Variants in RSRC1 observed in about 807,000 individuals in gnomAD.
The protein encoded by RSRC1 is serine/Arginine-related protein 53.
Under a neutral mutation model 49.1 loss-of-function variants are expected in RSRC1, and 39 were observed. That is an observed-to-expected ratio of 0.79 (90% CI 0.61 to 1.04). The LOEUF (loss-of-function observed/expected upper bound fraction) is 1.04, where lower values mean the gene tolerates loss of function less well. RSRC1 is among the 50% of genes least tolerant of loss of function. RSRC1 has a pLI of 0.00. For missense variants in RSRC1, 388 were observed against 402.4 expected, an observed-to-expected ratio of 0.96 and a Z score of 0.31; for synonymous variants, 143 against 130.8, an observed-to-expected ratio of 1.09 and a Z score of -0.63.
chr3:158,210,913 G>A (rs571324077), intron 4 of RSRC1, among the ~76,000 whole-genome samples: 1 of 151,988 alleles, frequency 6.6e-6, no homozygotes, highest in African/African-American at 2.4e-5. Flanking sequence ...GCCTGATAAC[G>A]TCTTAAATGG....
At chr3:158,366,792 T>G (rs1731793361) in intron 6 of RSRC1, among the ~76,000 whole-genome samples, 1 of 152,196 alleles carries the variant, frequency 6.6e-6, no homozygotes, top group South Asian at 2.1e-4. Context: ...CATGGAATTT[T>G]TTTCCCATTG....
chr3:158,208,376 T>C (rs1264832568), intron 4 of RSRC1, among the ~76,000 whole-genome samples: 3 of 152,140 alleles, frequency 2.0e-5, no homozygotes, highest in South Asian at 2.1e-4. Context: ...TAATTTGTAA[T>C]TTTTAGAGAC....
chr3:158,132,018 C>G (rs1250944860), intron 3 of RSRC1: 11 of 315,918 alleles, frequency 3.5e-5, no homozygotes, highest in Non-Finnish European at 1.3e-5. Context: ...GAGTGTTGCT[C>G]TGTCACCTGG....
intron 6 of RSRC1, among the ~76,000 whole-genome samples, chr3:158,436,223 A>G (rs527410452): frequency 1.3e-5 from 2 of 152,028 alleles, no homozygotes; most frequent in Non-Finnish European, 2.9e-5. Context: ...ACACTTGTTC[A>G]ATTGGCTATA....
chr3:158,433,712 A>C (rs1388043074), intron 6 of RSRC1, among the ~76,000 whole-genome samples: 1 of 151,990 alleles, frequency 6.6e-6, no homozygotes, highest in East Asian at 1.9e-4. Context: ...ATCTATCTAA[A>C]ATCTGTCCAA....
At chr3:158,418,272 A>G (rs1168548394) in intron 6 of RSRC1, among the ~76,000 whole-genome samples, 1 of 152,020 alleles carries the variant, frequency 6.6e-6, no homozygotes, top group South Asian at 2.1e-4. Context: ...AAAGCAACAT[A>G]GTAAAGTAAA....
At chr3:158,370,014 G>A (rs1337527636) in intron 6 of RSRC1, among the ~76,000 whole-genome samples, 1 of 151,858 alleles carries the variant, frequency 6.6e-6, no homozygotes, top group Non-Finnish European at 1.5e-5. Flanking sequence ...TTGAATGGAA[G>A]TAGTATTTGT....
chr3:158,173,458 C>G (rs899437689), intron 3 of RSRC1, among the ~76,000 whole-genome samples: 2 of 151,924 alleles, frequency 1.3e-5, no homozygotes, highest in Non-Finnish European at 2.9e-5. Flanking sequence ...TTCAAGTCTT[C>G]TATTGTCTAT....
chr3:158,263,259 T>C (rs1559967294), intron 4 of RSRC1, among the ~76,000 whole-genome samples: 1 of 152,170 alleles, frequency 6.6e-6, no homozygotes, highest in East Asian at 1.9e-4. Flanking sequence ...TGTCAAATGC[T>C]TTCTCTGTGA....
intron 2 of RSRC1, among the ~76,000 whole-genome samples, chr3:158,122,678 T>TC (rs1715341418): frequency 6.6e-6 from 1 of 152,146 alleles, no homozygotes; most frequent in Non-Finnish European, 1.5e-5. Context: ...GTGCTGCATC[T>TC]GTTAACTCGT....
chr3:158,475,841 A>G (rs1175333253), intron 7 of RSRC1, among the ~76,000 whole-genome samples: 1 of 152,136 alleles, frequency 6.6e-6, no homozygotes, highest in Non-Finnish European at 1.5e-5. Flanking sequence ...AGTGAAAGGA[A>G]GAGTTGCATG....
chr3:158,249,331 T>G (rs932472283), intron 4 of RSRC1, among the ~76,000 whole-genome samples: 5 of 152,186 alleles, frequency 3.3e-5, no homozygotes, highest in African/African-American at 1.2e-4. Context: ...GCAGACTAGT[T>G]TGCATTCCTA....
chr3:158,350,284 C>T (rs1044544654), intron 5 of RSRC1, among the ~76,000 whole-genome samples: 7 of 150,370 alleles, frequency 4.7e-5, no homozygotes, highest in Non-Finnish European at 1.0e-4. Flanking sequence ...CTCAAGCTAT[C>T]TTCCCACCTC....
At chr3:158,509,290 T>A (rs1740028347) in intron 7 of RSRC1, among the ~76,000 whole-genome samples, 1 of 152,168 alleles carries the variant, frequency 6.6e-6, no homozygotes, top group African/African-American at 2.4e-5. Context: ...TGACATACAT[T>A]CAAAAGCCTC....
chr3:158,285,775 G>A (rs955641219), intron 4 of RSRC1, among the ~76,000 whole-genome samples: 1 of 152,102 alleles, frequency 6.6e-6, no homozygotes, highest in South Asian at 2.1e-4. Flanking sequence ...TTGCTTATCA[G>A]CTTAAGGATA....
At chr3:158,296,996 A>G (rs777687087) in intron 4 of RSRC1, among the ~76,000 whole-genome samples, 9 of 152,080 alleles carry the variant, frequency 5.9e-5, no homozygotes, top group Non-Finnish European at 1.2e-4. Context: ...CAAAGAAAAA[A>G]TAGAAGACAG....
intron 6 of RSRC1, among the ~76,000 whole-genome samples, chr3:158,444,003 A>G (rs749493080): frequency 6.6e-5 from 10 of 152,166 alleles, no homozygotes; most frequent in Non-Finnish European, 1.3e-4. Context: ...TAATTGCCCT[A>G]TATGGGCCTG....
At chr3:158,515,314 C>A (rs1740452316) in intron 7 of RSRC1, among the ~76,000 whole-genome samples, 1 of 147,874 alleles carries the variant, frequency 6.8e-6, no homozygotes, top group African/African-American at 2.5e-5. Flanking sequence ...AATCTCTCAG[C>A]ATTTGCTTGT....
intron 4 of RSRC1, among the ~76,000 whole-genome samples, chr3:158,247,445 T>C (rs907109560): frequency 1.3e-5 from 2 of 152,184 alleles, no homozygotes; most frequent in African/African-American, 4.8e-5. Flanking sequence ...AAAACGGCAA[T>C]CTGGCTTTTT....
Sources: allele counts gnomAD v4.1 joint callset (sites outside exome capture counted in the v4.1 genomes callset), GRCh38; gene constraint gnomAD v4.1.1; transcripts MANE v1.5; gene names NCBI Gene and HGNC (gene_info 2026-07-23, HGNC 2026-07-21).